The following MFHAS1 variants were observed in gnomAD, a reference collection of about 807,000 sequenced individuals.
The protein encoded by MFHAS1 is malignant fibrous histiocytoma-amplified sequence 1.
A neutral mutation model predicts 70.4 loss-of-function variants in MFHAS1; 50 were observed. The observed-to-expected ratio is 0.71, with a 90% CI of 0.57 to 0.90. MFHAS1 has a LOEUF of 0.90. Ranked by LOEUF, MFHAS1 falls within the 40% of genes least tolerant of loss-of-function variation. MFHAS1 has a pLI of 0.00. For missense variants in MFHAS1, 1,795 were observed against 1,347.6 expected (o/e 1.33, Z -5.20); for synonymous variants, 952 against 620.0 (o/e 1.54, Z -7.96).
rs1264532170 is a variant in MFHAS1, at chr8:8,893,135, C to T, written c.-77G>A. ...ATGCCGCGCCGCGCCCCGGGCCCTC[C>T]GGCTCCTGCCCCTGCCTGCCCTCCC... is the stretch of plus-strand genomic sequence containing the variant. On this transcript the variant is annotated 5_prime_UTR_variant, in exon 1 of 3. Transcript: ENST00000276282. 2.7e-6 allele frequency: 3 copies of T among 1,092,302 alleles called. No homozygotes were observed. The highest frequency in any genetic ancestry group is 2.4e-6 in the Non-Finnish European group (2 of 833,172). 67.7% of individuals were successfully genotyped at this position (1,092,302 alleles called of 1,614,324 possible).
intron 1 of MFHAS1, among the ~76,000 whole-genome samples, chr8:8,887,172 C>G (rs1809790908): frequency 6.6e-6 from 1 of 152,062 alleles, no homozygotes; most frequent in Non-Finnish European, 1.5e-5. Context: ...CAAAGGCTGC[C>G]AATAGATTCA....
intron 1 of MFHAS1, among the ~76,000 whole-genome samples, chr8:8,809,729 G>T (rs764890726): frequency 6.6e-6 from 1 of 152,164 alleles, no homozygotes; most frequent in Admixed American, 6.5e-5. Context: ...GGAGGGGGAG[G>T]AGCAGAGCAC....
rs147391131 is a variant in MFHAS1, at chr8:8,892,434, G to T, written c.625C>A (p.Leu209Met). Residue 209 changes from leucine (L) to methionine (M), a missense_variant, in exon 1 of 3, where the codon CTG becomes ATG. Leu to Met is a conservative substitution (Grantham distance 15). Coordinates refer to ENST00000276282, the MANE Select transcript of MFHAS1 (RefSeq NM_004225.3). The surrounding 1 kb of genome is among the most constrained non-coding windows in gnomAD (Gnocchi z 4.7). ...QLLQLVALEE[L>M]DVSSNRLRGL... ...CGCAGCCGGTTGCTGGACACGTCCA[G>T]CTCCTCCAGGGCCACCAGCTGCAGC... is the stretch of plus-strand genomic sequence containing the variant. The T allele has an allele frequency of 1.5e-3, 2,426 of 1,612,210 alleles. 5 individuals carry two copies. Among genetic ancestry groups the T allele is most frequent in the Non-Finnish European group, 1.8e-3 (2,101 of 1,179,360 alleles).
chr8:8,807,679 C>G (rs1001685911), intron 1 of MFHAS1, among the ~76,000 whole-genome samples: 66 of 152,308 alleles, frequency 4.3e-4, no homozygotes, highest in African/African-American at 1.5e-3. Flanking sequence ...ACCTCACCAT[C>G]CACAAGAAGT....
Position 8,892,464 on chromosome 8 carries a change from G to T in MFHAS1, c.595C>A (p.Gln199Lys). The T allele has an allele frequency of 6.2e-7, 1 of 1,609,114 alleles. No individual in the cohort carries two copies. The highest frequency in any genetic ancestry group is 8.5e-7 in the Non-Finnish European group (1 of 1,177,868). The change falls in exon 1 of 3, where the codon CAG (glutamine) becomes AAG (lysine). Residue 199 changes from glutamine (Q) to lysine (K), a missense_variant. Transcript: ENST00000276282. This position sits in a 1 kb window ranked among gnomAD's most constrained non-coding sequence, Gnocchi z 4.7. The stretch of plus-strand genomic sequence containing the variant: ...TCCAGGGCCACCAGCTGCAGCAGCT[G>T]CCGGGGGAAGGCAGTGAGCTGGTTG... ...DHNQLTAFPR[Q>K]LLQLVALEEL...
chr8:8,892,287 C>G lies in MFHAS1; in HGVS notation c.772G>C (p.Asp258His). The G allele has an allele frequency of 6.2e-7, 1 of 1,612,336 alleles. No individual in the cohort carries two copies. Among genetic ancestry groups the G allele is most frequent in the Non-Finnish European group, 8.5e-7 (1 of 1,179,958 alleles). The change falls in exon 1 of 3, where the codon GAC becomes CAC. Residue 258 changes from aspartate (D) to histidine (H), a missense_variant. Coordinates refer to ENST00000276282, the MANE Select transcript of MFHAS1 (RefSeq NM_004225.3). This position sits in a 1 kb window ranked among gnomAD's most constrained non-coding sequence, Gnocchi z 4.7. ...ELASLESLML[D>H]NNGLQALPAQ... The stretch of plus-strand genomic sequence containing the variant: ...GGCAGAGCCTGCAGCCCGTTGTTGT[C>G]TAGCATGAGGCTCTCCAAACTGGCC...
intron 1 of MFHAS1, among the ~76,000 whole-genome samples, chr8:8,858,065 C>T (rs968284023): frequency 6.6e-6 from 1 of 152,190 alleles, no homozygotes; most frequent in African/African-American, 2.4e-5. Flanking sequence ...CATTTGCCTG[C>T]CTCCACGCCT....
chr8:8,799,975 C>T (rs1160331506), intron 1 of MFHAS1, among the ~76,000 whole-genome samples: 1 of 152,144 alleles, frequency 6.6e-6, no homozygotes, highest in East Asian at 1.9e-4. Context: ...AGGAGCTAAC[C>T]AGCAGCAGAC....
At chr8:8,826,796 T>A (rs1343709407) in intron 1 of MFHAS1, among the ~76,000 whole-genome samples, 1 of 152,134 alleles carries the variant, frequency 6.6e-6, no homozygotes, top group East Asian at 1.9e-4. Flanking sequence ...CTTCTTACCT[T>A]CCTCCTTACA....
At position 8,893,010 on chromosome 8, in the gene MFHAS1, C is replaced by T. The variant is rs1418748022; in HGVS notation, c.49G>A (p.Asp17Asn). The change falls in exon 1 of 3, where the codon GAC (aspartate) becomes AAC (asparagine). Residue 17 changes from aspartate (D) to asparagine (N), a missense_variant. Coordinates refer to ENST00000276282, the MANE Select transcript of MFHAS1 (RefSeq NM_004225.3). ...AGCTTCCTGGCACGCAGGGCGGCGTCCCGCCACAGCCTCGCGGTCTTCAGG... is the reference window on the plus strand; with the variant it reads ...AGCTTCCTGGCACGCAGGGCGGCGTTCCGCCACAGCCTCGCGGTCTTCAGG... Reference protein sequence around the residue: ...GNLKTARLWRDAALRARKLRS... With the variant: ...GNLKTARLWRNAALRARKLRS... 6 of 1,538,134 alleles carry T rather than the reference C, an allele frequency of 3.9e-6. No individual in the cohort carries two copies. In the East Asian group the frequency reaches 1.5e-4, roughly 39 times the overall value.
intron 1 of MFHAS1, among the ~76,000 whole-genome samples, chr8:8,819,843 T>A (rs1306494653): frequency 1.3e-5 from 2 of 151,978 alleles, no homozygotes; most frequent in Non-Finnish European, 2.9e-5. Flanking sequence ...AGACCACAGG[T>A]GCGCACCACC....
At chr8:8,788,522 T>C (rs540553089) in intron 2 of MFHAS1, among the ~76,000 whole-genome samples, 2 of 152,270 alleles carry the variant, frequency 1.3e-5, no homozygotes, top group Admixed American at 6.5e-5. Flanking sequence ...CTACTAAAAA[T>C]GCAAAAATTA....
intron 1 of MFHAS1, among the ~76,000 whole-genome samples, chr8:8,799,853 A>C (rs914939872): frequency 1.3e-5 from 2 of 152,240 alleles, no homozygotes; most frequent in South Asian, 4.1e-4. Flanking sequence ...CTGGGCCTGC[A>C]GTTTTAAATG....
intron 1 of MFHAS1, among the ~76,000 whole-genome samples, chr8:8,835,149 G>A (rs1039736832): frequency 3.3e-5 from 5 of 151,340 alleles, no homozygotes; most frequent in African/African-American, 1.2e-4. Flanking sequence ...GTTCGAGGGT[G>A]AGCATTAGGG....
chr8:8,851,778 C>T (rs886980124), intron 1 of MFHAS1, among the ~76,000 whole-genome samples: 1 of 152,120 alleles, frequency 6.6e-6, no homozygotes, highest in South Asian at 2.1e-4. Context: ...AACCAAAACA[C>T]TTAAAGTAAT....
chr8:8,882,303 T>G (rs1809557399), intron 1 of MFHAS1, among the ~76,000 whole-genome samples: 1 of 152,028 alleles, frequency 6.6e-6, no homozygotes, highest in African/African-American at 2.4e-5. Context: ...GGCAGGAGAA[T>G]CACTTGAACC....
chr8:8,790,279 G>T, intron 2 of MFHAS1: 1 of 671,026 alleles, frequency 1.5e-6, no homozygotes, highest in Non-Finnish European at 1.8e-6. Context: ...TCCTCAAGAG[G>T]GCCTTACCTA....
chr8:8,792,513 G>A (rs1805753141), intron 2 of MFHAS1, among the ~76,000 whole-genome samples: 1 of 152,088 alleles, frequency 6.6e-6, no homozygotes, highest in Non-Finnish European at 1.5e-5. Flanking sequence ...GGCTGAGGCA[G>A]AAGAATTGCT....
At chr8:8,883,669 C>G (rs1809619751) in intron 1 of MFHAS1, among the ~76,000 whole-genome samples, 1 of 126,546 alleles carries the variant, frequency 7.9e-6, no homozygotes, top group South Asian at 2.6e-4. Context: ...GACAGCGCCA[C>G]TACACTCCAG....
Sources: allele counts gnomAD v4.1 joint callset (sites outside exome capture counted in the v4.1 genomes callset), GRCh38; gene constraint gnomAD v4.1.1; non-coding constraint Gnocchi (gnomAD v3.1); transcripts MANE v1.5; gene names NCBI Gene and HGNC (gene_info 2026-07-23, HGNC 2026-07-21).